LINGO2: variants seen among roughly 807,000 people sequenced by gnomAD.
LINGO2 encodes leucine-rich repeat and immunoglobulin-like domain-containing nogo receptor-interacting protein 2.
In LINGO2, 14 loss-of-function variants were observed where a neutral mutation model predicts 30.6. The ratio of observed to expected loss-of-function variants is 0.46; its 90% confidence interval spans 0.30 to 0.72. LINGO2 has a LOEUF of 0.72. Ranked by LOEUF, LINGO2 falls within the 30% of genes least tolerant of loss-of-function variation. LINGO2 has a pLI of 0.07. For missense variants in LINGO2, 729 were observed against 751.7 expected, an observed-to-expected ratio of 0.97 and a Z score of 0.35; for synonymous variants, 317 against 288.5, an observed-to-expected ratio of 1.10 and a Z score of -1.00.
the LINGO2 span, among the ~76,000 whole-genome samples, chr9:28,767,355 T>C: frequency 2.6e-5 from 4 of 152,254 alleles, no homozygotes; most frequent in African/African-American, 9.6e-5. Flanking sequence ...ACATTAAAAA[T>C]ATACAATTAA....
intron 2 of LINGO2, among the ~76,000 whole-genome samples, chr9:28,466,155 C>T (rs1311633286): frequency 6.6e-6 from 1 of 152,120 alleles, no homozygotes; most frequent in Non-Finnish European, 1.5e-5. Context: ...TGAAGAGATA[C>T]CTGCACTCCT....
At chr9:28,908,221 G>C in the LINGO2 span, among the ~76,000 whole-genome samples, 1 of 151,370 alleles carries the variant, frequency 6.6e-6, no homozygotes, top group Non-Finnish European at 1.5e-5. Flanking sequence ...TACAATCAAA[G>C]GCATGGTATG....
intron 4 of LINGO2, among the ~76,000 whole-genome samples, chr9:28,132,918 C>A (rs969489464): frequency 6.6e-6 from 1 of 152,200 alleles, no homozygotes; most frequent in Non-Finnish European, 1.5e-5. Flanking sequence ...TCATTTTGAG[C>A]AGACCCCCCT....
the LINGO2 span, among the ~76,000 whole-genome samples, chr9:28,694,852 C>T: frequency 2.0e-5 from 3 of 151,618 alleles, no homozygotes; most frequent in African/African-American, 7.3e-5. Flanking sequence ...CTGTTAGAGA[C>T]TTAAGTATGT....
chr9:29,094,535 T>C, the LINGO2 span, among the ~76,000 whole-genome samples: 8 of 138,962 alleles, frequency 5.8e-5, 2 homozygotes, highest in Non-Finnish European at 1.3e-4. Context: ...AGCTAGCATA[T>C]CCAGTCCTTT....
the LINGO2 span, among the ~76,000 whole-genome samples, chr9:28,968,650 T>C: frequency 6.6e-6 from 1 of 152,166 alleles, no homozygotes; most frequent in African/African-American, 2.4e-5. Context: ...TGTGTTCCAA[T>C]ATAAATGCAG....
intron 1 of LINGO2, among the ~76,000 whole-genome samples, chr9:28,591,614 T>C (rs778540816): frequency 2.2e-4 from 34 of 152,024 alleles, no homozygotes; most frequent in Non-Finnish European, 4.1e-4. Context: ...GAGGTCAATT[T>C]AGATGGGTAT....
At chr9:28,184,615 A>C (rs901548444) in intron 4 of LINGO2, among the ~76,000 whole-genome samples, 1 of 151,922 alleles carries the variant, frequency 6.6e-6, no homozygotes, top group African/African-American at 2.4e-5. Flanking sequence ...AGATGGGGGA[A>C]AGAGAAAGAA....
the LINGO2 span, among the ~76,000 whole-genome samples, chr9:29,119,577 CTTTTTTTTT>C: frequency 1.2e-5 from 1 of 82,514 alleles, no homozygotes; most frequent in African/African-American, 4.7e-5. Flanking sequence ...CAGTTGTCAT[CTTTTTTTTT>C]TTTTTTTTTT....
At chr9:28,642,012 T>TG (rs1827613240) in intron 1 of LINGO2, among the ~76,000 whole-genome samples, 2 of 137,414 alleles carry the variant, frequency 1.5e-5, no homozygotes, top group South Asian at 2.2e-4. Context: ...TATAATACTC[T>TG]GTTTTTTTTT....
At chr9:28,605,984 C>T (rs1825677756) in intron 1 of LINGO2, among the ~76,000 whole-genome samples, 1 of 151,974 alleles carries the variant, frequency 6.6e-6, no homozygotes, top group Admixed American at 6.6e-5. Flanking sequence ...TTGCGCCTTC[C>T]ATCTCAAGTA....
At chr9:28,095,454 T>C (rs1365708337) in intron 4 of LINGO2, among the ~76,000 whole-genome samples, 1 of 152,086 alleles carries the variant, frequency 6.6e-6, no homozygotes, top group Non-Finnish European at 1.5e-5. Flanking sequence ...AAACAAGCAA[T>C]GGGGAAAGGA....
At chr9:28,223,849 C>A (rs766239538) in intron 4 of LINGO2, among the ~76,000 whole-genome samples, 4 of 152,052 alleles carry the variant, frequency 2.6e-5, no homozygotes, top group Non-Finnish European at 5.9e-5. Context: ...ATACCATTAA[C>A]CAAAATATGG....
chr9:28,734,617 C>G, the LINGO2 span, among the ~76,000 whole-genome samples: 1 of 152,060 alleles, frequency 6.6e-6, no homozygotes, highest in African/African-American at 2.4e-5. Flanking sequence ...CATACAGATG[C>G]CTTTTTAAAA....
At chr9:28,913,107 T>C in the LINGO2 span, among the ~76,000 whole-genome samples, 38 of 152,274 alleles carry the variant, frequency 2.5e-4, no homozygotes, top group African/African-American at 8.9e-4. Context: ...TAATTATCTT[T>C]TTCTTTCAGG....
intron 1 of LINGO2, among the ~76,000 whole-genome samples, chr9:28,554,147 C>T (rs532270103): frequency 6.6e-6 from 1 of 151,160 alleles, no homozygotes; most frequent in Non-Finnish European, 1.5e-5. Flanking sequence ...CACACATAAC[C>T]ATATTAACTT....
intron 4 of LINGO2, among the ~76,000 whole-genome samples, chr9:28,208,529 G>A (rs1490769989): frequency 1.3e-5 from 2 of 151,992 alleles, no homozygotes; most frequent in African/African-American, 4.8e-5. Context: ...GGGGTAGGGA[G>A]ATAGACTCAT....
chr9:28,916,152 A>T, the LINGO2 span, among the ~76,000 whole-genome samples: 1 of 152,180 alleles, frequency 6.6e-6, no homozygotes, highest in South Asian at 2.1e-4. Flanking sequence ...CAGAGAACTT[A>T]AGACTGACAA....
chr9:28,648,449 T>A (rs1827940033), intron 1 of LINGO2, among the ~76,000 whole-genome samples: 1 of 152,266 alleles, frequency 6.6e-6, no homozygotes, highest in Non-Finnish European at 1.5e-5. Flanking sequence ...AAGCACTTAA[T>A]ATAGTCCAGT....
Sources: gnomAD v4.1 joint callset for allele counts (sites outside exome capture counted in the v4.1 genomes callset) on GRCh38, gnomAD v4.1.1 for gene constraint, MANE v1.5 for transcripts, NCBI Gene and HGNC (gene_info 2026-07-23, HGNC 2026-07-21) for gene names.